The following CACNB4 variants were observed in gnomAD, a reference collection of about 807,000 sequenced individuals.
The protein encoded by CACNB4 is voltage-dependent L-type calcium channel subunit beta-4.
A neutral mutation model predicts 71.2 loss-of-function variants in CACNB4; 32 were observed. The observed-to-expected ratio is 0.45, with a 90% CI of 0.34 to 0.60. The LOEUF (loss-of-function observed/expected upper bound fraction) is 0.60, where lower values mean the gene tolerates loss of function less well. Ranked by LOEUF, CACNB4 falls within the 20% of genes least tolerant of loss-of-function variation. The pLI is 0.01. For missense variants in CACNB4, 464 were observed against 647.9 expected (o/e 0.72, Z 3.08); for synonymous variants, 231 against 236.9 (o/e 0.97, Z 0.23).
intron 2 of CACNB4, among the ~76,000 whole-genome samples, chr2:152,001,775 T>G (rs1403177389): frequency 6.6e-6 from 1 of 150,926 alleles, no homozygotes; most frequent in Non-Finnish European, 1.5e-5. Context: ...CGGAGGATGA[T>G]GTTTACATGA....
At chr2:152,002,229 T>C (rs967751393) in intron 2 of CACNB4, among the ~76,000 whole-genome samples, 5 of 152,220 alleles carry the variant, frequency 3.3e-5, no homozygotes, top group African/African-American at 9.7e-5. Context: ...AGAGGCTTTT[T>C]TTGTTCCTCT....
At chr2:152,004,562 C>T (rs1041433728) in intron 2 of CACNB4, among the ~76,000 whole-genome samples, 1 of 151,876 alleles carries the variant, frequency 6.6e-6, no homozygotes, top group African/African-American at 2.4e-5. Flanking sequence ...CACACACACA[C>T]ACACACATGC....
In CACNB4 at chr2:151,876,444, CT is replaced by C; in HGVS notation, c.502del (p.Arg168GlufsTer39). 2 of 1,597,426 alleles carry C rather than the reference CT, an allele frequency of 1.3e-6. No individual in the cohort carries two copies. Among genetic ancestry groups the C allele is most frequent in the African/African-American group, 1.3e-5 (1 of 74,582 alleles). On this transcript the variant is annotated frameshift_variant, in exon 5 of 14. Transcript: ENST00000539935. LOFTEE classifies it high-confidence loss of function. Reference protein sequence around the residue: ...ENIRIQQEQKRGRFHGGKSSG... With the variant: ...ENIRIQQEQKXGRFHGGKSSG... ...AACGTACCCTCCGTGAAAACGTCCT[CT>C]TTTTTGTTCTTGCTGGATCCGTATG...
intron 2 of CACNB4, among the ~76,000 whole-genome samples, chr2:151,912,987 C>T (rs1273285358): frequency 4.6e-5 from 7 of 152,156 alleles, no homozygotes; most frequent in Admixed American, 3.9e-4. Context: ...ACTAGAATTG[C>T]AACCCCTGCT....
intron 2 of CACNB4, 158 bp from the exon 3 acceptor site, chr2:151,883,528 T>C (rs1559929534): frequency 2.9e-6 from 2 of 697,802 alleles, no homozygotes; most frequent in Non-Finnish European, 5.0e-6. Context: ...CAGAATATAG[T>C]TAAGCATCTG....
chr2:151,965,798 T>A (rs1008572714), intron 2 of CACNB4, among the ~76,000 whole-genome samples: 6 of 152,100 alleles, frequency 3.9e-5, no homozygotes, highest in Non-Finnish European at 5.9e-5. Flanking sequence ...GGGCTGGAAG[T>A]GCACCATGGG....
chr2:152,087,073 G>A lies in CACNB4; in HGVS notation c.147+11257C>T, dbSNP rs541820235. 1.1e-4 allele frequency among the ~76,000 whole-genome samples: 17 copies of A among 151,794 alleles called. No homozygotes were observed. The East Asian group carries it at 1.4e-3, about 12-fold the overall frequency. On this transcript the variant is annotated intron_variant, in intron 2 of 13. Transcript: ENST00000539935. ...CTTGAACTGGGGAAATGGAGGTTGC[G>A]GTGAGCCAAGATTGCACCGTTGCAC... is the stretch of plus-strand genomic sequence containing the variant.
intron 2 of CACNB4, among the ~76,000 whole-genome samples, chr2:152,054,226 C>A (rs1275841399): frequency 6.6e-6 from 1 of 151,596 alleles, no homozygotes; most frequent in Non-Finnish European, 1.5e-5. Context: ...ATTAGCCGGG[C>A]GTGGTGGCGC....
chr2:151,933,738 A>T (rs568041354), intron 2 of CACNB4, among the ~76,000 whole-genome samples: 4 of 152,212 alleles, frequency 2.6e-5, no homozygotes, highest in African/African-American at 9.6e-5. Flanking sequence ...CTGGCACTTG[A>T]TATCAAACTC....
chr2:152,009,184 G>T (rs187495288), intron 2 of CACNB4, among the ~76,000 whole-genome samples: 4 of 136,992 alleles, frequency 2.9e-5, no homozygotes, highest in Non-Finnish European at 4.6e-5. Context: ...GTGAGACCCT[G>T]TCTCAAAAAA....
intron 2 of CACNB4, among the ~76,000 whole-genome samples, chr2:151,935,730 T>C (rs2099862774): frequency 6.6e-6 from 1 of 152,194 alleles, no homozygotes; most frequent in African/African-American, 2.4e-5. Context: ...ACATGCAATG[T>C]CAATATAAAC....
At chr2:151,993,143 C>T (rs946088489) in intron 2 of CACNB4, among the ~76,000 whole-genome samples, 8 of 110,126 alleles carry the variant, frequency 7.3e-5, no homozygotes, top group Admixed American at 3.4e-4. Context: ...CAGTAAGCCA[C>T]GTTTTTTGTT....
At chr2:151,997,545 G>A (rs945624639) in intron 2 of CACNB4, among the ~76,000 whole-genome samples, 5 of 151,012 alleles carry the variant, frequency 3.3e-5, no homozygotes, top group Admixed American at 1.3e-4. Flanking sequence ...AAAAAAAAGA[G>A]ACGAAGGGGA....
intron 2 of CACNB4, among the ~76,000 whole-genome samples, chr2:151,998,315 C>CAAAAAAAAAAAAAAAAAAAAAAAAA (rs70974815): frequency 9.0e-6 from 1 of 110,720 alleles, no homozygotes; most frequent in African/African-American, 4.0e-5. Context: ...ACTCCATCTC[C>CAAAAAAAAAAAAAAAAAAAAAAAAA]AAAAAAAAAA....
rs561047578 is a variant in CACNB4, at chr2:151,979,973, G to A, written c.148-96603C>T. 3.8e-4 allele frequency among the ~76,000 whole-genome samples: 58 copies of A among 152,256 alleles called. 1 individual carries two copies. Among genetic ancestry groups the A allele is most frequent in the South Asian group, 2.3e-3 (11 of 4,820 alleles). On this transcript the variant is annotated intron_variant, in intron 2 of 13. Coordinates refer to ENST00000539935, the MANE Select transcript of CACNB4 (RefSeq NM_000726.5). The stretch of plus-strand genomic sequence containing the variant: ...CCACCAACTTACTACTCAGCCTTGC[G>A]CAAACCACCTCCCTAAAAGGTGGGA...
chr2:151,859,391 C>A (rs2099841095), intron 10 of CACNB4: 1 of 152,142 alleles, frequency 6.6e-6, no homozygotes, highest in African/African-American at 2.4e-5. Flanking sequence ...TCTCACCATA[C>A]ATTAGAAGGA....
intron 2 of CACNB4, among the ~76,000 whole-genome samples, chr2:152,091,255 G>T (rs1687956819): frequency 6.6e-6 from 1 of 152,116 alleles, no homozygotes; most frequent in African/African-American, 2.4e-5. Context: ...AGCAAGAGAA[G>T]ATTCATTGCA....
chr2:152,067,393 G>T (rs550315065), intron 2 of CACNB4, among the ~76,000 whole-genome samples: 57 of 146,928 alleles, frequency 3.9e-4, no homozygotes, highest in Non-Finnish European at 3.3e-4. Flanking sequence ...GTGTGTGGGG[G>T]GGGGGGTGCC....
intron 2 of CACNB4, among the ~76,000 whole-genome samples, chr2:151,889,706 T>C (rs539116666): frequency 6.6e-6 from 1 of 152,294 alleles, no homozygotes; most frequent in South Asian, 2.1e-4. Flanking sequence ...TATCTTTATC[T>C]TGACAGGCTG....
Sources: allele counts gnomAD v4.1 joint callset (sites outside exome capture counted in the v4.1 genomes callset), GRCh38; gene constraint gnomAD v4.1.1; transcripts MANE v1.5; gene names NCBI Gene and HGNC (gene_info 2026-07-23, HGNC 2026-07-21).